The following LONP1 variants were observed in gnomAD, a reference collection of about 807,000 sequenced individuals.
The protein encoded by LONP1 is lon protease homolog, mitochondrial.
A neutral mutation model predicts 98.5 loss-of-function variants in LONP1; 31 were observed. The observed-to-expected ratio is 0.31, with a 90% CI of 0.24 to 0.42. The LOEUF (loss-of-function observed/expected upper bound fraction) is 0.42, where lower values mean the gene tolerates loss of function less well. Ranked by LOEUF, LONP1 falls within the 20% of genes least tolerant of loss-of-function variation. LONP1 has a pLI of 1.00. For synonymous variants in LONP1, 781 were observed against 594.7 expected (o/e 1.31, Z -4.56); for missense variants, 1,336 against 1,350.6 (o/e 0.99, Z 0.17).
rs373284466 is a variant in LONP1 at position 5,711,845 on chromosome 19, G to C, written c.796C>G (p.Leu266Val). The C allele has an allele frequency of 2.4e-4, 389 of 1,612,750 alleles. No individual in the cohort carries two copies. The highest frequency in any genetic ancestry group is 3.2e-4 in the Non-Finnish European group (374 of 1,180,006). Residue 266 changes from leucine to valine, a missense_variant, in exon 4 of 18, where the codon CTC (leucine) becomes GTC (valine). Physicochemically the swap from Leu to Val is conservative, Grantham distance 32 (BLOSUM62 1). Around this residue, in one of 5 missense-constraint regions of LONP1, gnomAD observed 457 missense variants for 403.1 expected, o/e 1.13. Transcript: ENST00000360614. The stretch of plus-strand genomic sequence containing the variant: ...TCCACCATGAGCACCTCAGCCGGGA[G>C]CTCAGGGGTGGGCTCCATCGCCAGC... ...AELAMEPTPE[L>V]PAEVLMVEVE...
At chr19:5,700,652 C>G in intron 9 of LONP1, 137 bp downstream of exon 9, 1 of 1,232,014 alleles carries the variant, frequency 8.1e-7, no homozygotes, top group South Asian at 1.5e-5. Flanking sequence ...CTACCTCCGC[C>G]GGGATCCCCC....
intron 1 of LONP1, among the ~76,000 whole-genome samples, chr19:5,718,947 C>A (rs1187233164): frequency 1.3e-5 from 2 of 152,170 alleles, no homozygotes; most frequent in African/African-American, 4.8e-5. Flanking sequence ...CTCTTCCCAC[C>A]CTCCTAAGCC....
In LONP1 at chr19:5,696,342, C is replaced by T. The variant is rs768562749; in HGVS notation, c.1803G>A (p.Gly601=). Residue 601 remains glycine (G), a synonymous_variant, in exon 12 of 18, where the codon GGG becomes GGA. Coordinates refer to ENST00000360614, the MANE Select transcript of LONP1 (RefSeq NM_004793.4). ...GCTCCAGCAGTGCCGACGACGGGTC[C>T]CCCTGGTAGCCTCGGCCGATCTTGT... The part of the protein sequence containing the change: ...EVDKIGRGYQ[G]DPSSALLELL... 2.5e-6 allele frequency: 4 copies of T among 1,613,070 alleles called. No individual in the cohort carries two copies. Among genetic ancestry groups the T allele is most frequent in the African/African-American group, 2.7e-5 (2 of 74,928 alleles).
intron 8 of LONP1, among the ~76,000 whole-genome samples, chr19:5,704,580 C>A (rs1371970397): frequency 6.6e-6 from 1 of 152,164 alleles, no homozygotes; most frequent in Non-Finnish European, 1.5e-5. Context: ...GCTGCCCTGG[C>A]GTGACAACTG....
chr19:5,696,473 C>G, intron 11 of LONP1, 102 bp from the exon 12 acceptor site: 1 of 1,478,726 alleles, frequency 6.8e-7, no homozygotes, highest in Non-Finnish European at 9.2e-7. Context: ...CGAGTGAGAG[C>G]GGCACCCACA....
chr19:5,693,744 T>A lies in LONP1; in HGVS notation c.2346A>T (p.Thr782=). ...AMGGSTLFVE[T]SLRRPQDKDA... is the part of the protein sequence containing the mutation. Reference sequence around the variant, plus strand: ...CCTTGTCCTGTGGCCGTCTCAGGGATGTCTCCACAAACAGCGTGGAGCCTC... The same window carrying A: ...CCTTGTCCTGTGGCCGTCTCAGGGAAGTCTCCACAAACAGCGTGGAGCCTC... Residue 782 remains threonine (T), a synonymous_variant, in exon 16 of 18, where the codon ACA becomes ACT. Coordinates refer to ENST00000360614, the MANE Select transcript of LONP1 (RefSeq NM_004793.4). 6.2e-7 allele frequency: 1 copy of A among 1,613,974 alleles called. No homozygotes were observed. The highest frequency in any genetic ancestry group is 8.5e-7 in the Non-Finnish European group (1 of 1,179,986).
At chr19:5,692,577 C>T (rs2054846363) in intron 17 of LONP1, among the ~76,000 whole-genome samples, 1 of 152,192 alleles carries the variant, frequency 6.6e-6, no homozygotes. Context: ...ATCTGCATCT[C>T]TGCCCCCAGG....
intron 4 of LONP1, among the ~76,000 whole-genome samples, chr19:5,711,319 C>T (rs994693927): frequency 5.9e-5 from 9 of 152,218 alleles, no homozygotes; most frequent in African/African-American, 1.4e-4. Context: ...CTGCCCACCT[C>T]GGAAGCTGAC....
chr19:5,719,593 A>G lies in LONP1; in HGVS notation c.429+111T>C, dbSNP rs1368845567. ...GGATTCGAACTGCACCCTTCGAGAA[A>G]CTTCATGTCTGAAAAAGTTGCGAAA... On this transcript the variant is annotated intron_variant, in intron 1 of 17. Transcript: ENST00000360614. 3 of 1,560,448 alleles carry G rather than the reference A, an allele frequency of 1.9e-6. No homozygotes were observed. The Admixed American group carries it at 5.7e-5, about 30-fold the overall frequency.
chr19:5,693,812 C>T (rs757314135), intron 15 of LONP1, 43 bp from the exon 16 acceptor site: 1 of 1,551,002 alleles, frequency 6.4e-7, no homozygotes, highest in South Asian at 1.1e-5. Context: ...GCCTCGGAGC[C>T]CAGGCCGGTG....
rs1282131458 is a variant in LONP1 at position 5,720,035 on chromosome 19, G to A, written c.98C>T (p.Thr33Ile). The A allele has an allele frequency of 3.2e-6, 5 of 1,553,734 alleles. No individual in the cohort carries two copies. The highest frequency in any genetic ancestry group is 2.4e-5 in the South Asian group (2 of 84,548). Residue 33 changes from threonine to isoleucine, a missense_variant, in exon 1 of 18, where the codon ACT (threonine) becomes ATT (isoleucine). Around this residue, in one of 5 missense-constraint regions of LONP1, gnomAD observed 457 missense variants for 403.1 expected, o/e 1.13. Transcript: ENST00000360614. The stretch of plus-strand genomic sequence containing the variant: ...TCGGAGCAACCACGCTCCTGCTGCA[G>A]TGGGAACCCGCCCCCCGGCGGCGGC... ...MLAAAGGRVP[T>I]AAGAWLLRGQ...
chr19:5,716,404 G>C (rs1482539216), intron 1 of LONP1, among the ~76,000 whole-genome samples: 4 of 149,356 alleles, frequency 2.7e-5, no homozygotes, highest in Non-Finnish European at 5.9e-5. Context: ...TTCTAGGGTG[G>C]GTCCAAAAAT....
At chr19:5,719,334 C>G (rs1029553368) in intron 1 of LONP1, among the ~76,000 whole-genome samples, 1 of 152,200 alleles carries the variant, frequency 6.6e-6, no homozygotes, top group Non-Finnish European at 1.5e-5. Context: ...CGTAACCAGA[C>G]GGCAGAGCGC....
chr19:5,711,036 AAG>A (rs1362312217), intron 4 of LONP1, among the ~76,000 whole-genome samples: 1 of 149,400 alleles, frequency 6.7e-6, no homozygotes, highest in East Asian at 1.9e-4. Flanking sequence ...CAAAAAAAGA[AAG>A]AAAAAAAAAA....
chr19:5,700,806 C>T lies in LONP1; in HGVS notation c.1489G>A (p.Val497Ile), dbSNP rs148214998. 62 of 1,614,172 alleles carry T rather than the reference C, an allele frequency of 3.8e-5. No homozygotes were observed. The Middle Eastern group carries it at 6.6e-4, about 17-fold the overall frequency. ...LEEDHYGMED[V>I]KKRILEFIAV... Reference sequence around the variant, plus strand: ...GGGCTCACCAGGATGCGTTTCTTGACGTCCTCCATGCCGTAGTGGTCTTCC... The same window carrying T: ...GGGCTCACCAGGATGCGTTTCTTGATGTCCTCCATGCCGTAGTGGTCTTCC... The change falls in exon 9 of 18, where the codon GTC becomes ATC. Residue 497 changes from valine to isoleucine, a missense_variant. Physicochemically the swap from Val to Ile is conservative, Grantham distance 29. This residue lies in a region of LONP1 where 219 missense variants were observed against 241.0 expected (regional missense o/e 0.91). Coordinates refer to ENST00000360614, the MANE Select transcript of LONP1 (RefSeq NM_004793.4).
At chr19:5,701,385 G>A (rs994282660) in intron 8 of LONP1, among the ~76,000 whole-genome samples, 5 of 151,922 alleles carry the variant, frequency 3.3e-5, no homozygotes, top group African/African-American at 4.8e-5. Flanking sequence ...ATGCCGAGCC[G>A]AGGCTGGACT....
At chr19:5,717,036 C>T (rs12461877) in intron 1 of LONP1, among the ~76,000 whole-genome samples, 17,833 of 152,176 alleles carry the variant, frequency 0.12, 1,914 homozygotes, top group East Asian at 0.54. Context: ...CCTCGTGATC[C>T]GCCCACCTCA....
rs570948502 is a variant in LONP1, at chr19:5,700,116, T to A, written c.1506+673A>T. Among the ~76,000 whole-genome samples the A allele has an allele frequency of 1.1e-4, 16 of 151,714 alleles. No individual in the cohort carries two copies. In the South Asian group the frequency reaches 2.5e-3, roughly 24 times the overall value. ...ATCACACCAGGCTAATTAAAAAAAA[T>A]TTTTTTTCCTTTTTGAGACGGAGTT... On this transcript the variant is annotated intron_variant, in intron 9 of 17. Coordinates refer to ENST00000360614, the MANE Select transcript of LONP1 (RefSeq NM_004793.4).
chr19:5,720,066 T>C lies in LONP1; in HGVS notation c.67A>G (p.Met23Val), dbSNP rs541037994. Reference sequence around the variant, plus strand: ...ACCCGCCCCCCGGCGGCGGCCAGCATCGGCCGCCGCAGCACCCAGCACCGC... The same window carrying C: ...ACCCGCCCCCCGGCGGCGGCCAGCACCGGCCGCCGCAGCACCCAGCACCGC... Reference protein sequence around the residue: ...AARCWVLRRPMLAAAGGRVPT... With the variant: ...AARCWVLRRPVLAAAGGRVPT... The change falls in exon 1 of 18, where the codon ATG (methionine) becomes GTG (valine). Residue 23 changes from methionine to valine, a missense_variant. By Grantham distance (21) the Met-to-Val change is conservative. Around this residue, in one of 5 missense-constraint regions of LONP1, gnomAD observed 457 missense variants for 403.1 expected, o/e 1.13. Transcript: ENST00000360614. The C allele has an allele frequency of 2.5e-4, 371 of 1,512,470 alleles. No individual in the cohort carries two copies. In the East Asian group the frequency reaches 7.7e-3, roughly 31 times the overall value. 93.7% of individuals were successfully genotyped at this position (1,512,470 alleles called of 1,614,324 possible). A position where few individuals can be genotyped will look rare whatever the true frequency, so the allele number is the denominator to read the frequency against.
Sources: gnomAD v4.1 joint callset for allele counts (sites outside exome capture counted in the v4.1 genomes callset) on GRCh38, gnomAD v4.1.1 for gene constraint, gnomAD v4.1.1 regional missense constraint, MANE v1.5 for transcripts, NCBI Gene and HGNC (gene_info 2026-07-23, HGNC 2026-07-21) for gene names.